The following NDC1 variants were observed in gnomAD, a reference collection of about 807,000 sequenced individuals.
NDC1 encodes the protein nucleoporin NDC1.
In NDC1, 24 loss-of-function variants were observed where a neutral mutation model predicts 89.8. The ratio of observed to expected loss-of-function variants is 0.27; its 90% CI spans 0.19 to 0.38. The LOEUF (loss-of-function observed/expected upper bound fraction) is 0.38, where lower values mean the gene tolerates loss of function less well. Ranked by LOEUF, NDC1 falls within the 10% of genes least tolerant of loss-of-function variation. NDC1 has a pLI of 1.00. For missense variants in NDC1, 728 were observed against 797.6 expected, an observed-to-expected ratio of 0.91 and a Z score of 1.05; for synonymous variants, 296 against 284.8, an observed-to-expected ratio of 1.04 and a Z score of -0.39.
At chr1:53,792,808 AT>A (rs1379679763) in intron 14 of NDC1, among the ~76,000 whole-genome samples, 1 of 152,216 alleles carries the variant, frequency 6.6e-6, no homozygotes, top group Non-Finnish European at 1.5e-5. Flanking sequence ...CTGAATTATA[AT>A]TTTTTATTCA....
chr1:53,768,668 T>C (rs189648528), intron 17 of NDC1, among the ~76,000 whole-genome samples: 14 of 152,252 alleles, frequency 9.2e-5, no homozygotes, highest in African/African-American at 3.4e-4. Flanking sequence ...AAATTGAATA[T>C]AATGAAAAAT....
intron 14 of NDC1, among the ~76,000 whole-genome samples, chr1:53,792,124 A>T (rs775659861): frequency 6.6e-6 from 1 of 151,984 alleles, no homozygotes; most frequent in Non-Finnish European, 1.5e-5. Context: ...TTGTATTTTT[A>T]GTAGAGACAG....
intron 11 of NDC1, among the ~76,000 whole-genome samples, chr1:53,799,395 G>A (rs757093838): frequency 1.3e-5 from 2 of 152,172 alleles, no homozygotes; most frequent in African/African-American, 2.4e-5. Flanking sequence ...GATAACATCT[G>A]AAACACTCTC....
intron 16 of NDC1, among the ~76,000 whole-genome samples, chr1:53,773,842 T>C (rs1450694287): frequency 6.6e-6 from 1 of 152,154 alleles, no homozygotes; most frequent in Non-Finnish European, 1.5e-5. Context: ...GGTGTTCTAC[T>C]CTCTCTTAAA....
chr1:53,819,144 T>A, intron 5 of NDC1, 65 bp from the exon 6 acceptor site: 1 of 758,490 alleles, frequency 1.3e-6, no homozygotes, highest in Non-Finnish European at 2.3e-6. Flanking sequence ...AACATCACCT[T>A]AAAGCAAGCA....
At chr1:53,811,435 G>A (rs898261886) in intron 6 of NDC1, among the ~76,000 whole-genome samples, 2 of 152,148 alleles carry the variant, frequency 1.3e-5, no homozygotes, top group East Asian at 3.9e-4. Context: ...TTGCAGGGCG[G>A]TGGGAGTGAG....
At chr1:53,831,743 T>G (rs1376902876) in intron 3 of NDC1, among the ~76,000 whole-genome samples, 1 of 152,130 alleles carries the variant, frequency 6.6e-6, no homozygotes, top group African/African-American at 2.4e-5. Flanking sequence ...TGTATCTTTT[T>G]TTCCTTATGT....
chr1:53,826,116 A>T (rs989474521), intron 4 of NDC1, among the ~76,000 whole-genome samples, 180 bp from the exon 5 acceptor site: 2 of 152,210 alleles, frequency 1.3e-5, no homozygotes, highest in Non-Finnish European at 2.9e-5. Flanking sequence ...TTTTTTCCTG[A>T]ATCATGAGAC....
intron 15 of NDC1, among the ~76,000 whole-genome samples, 165 bp downstream of exon 15, chr1:53,788,968 C>A (rs138486885): frequency 6.6e-6 from 1 of 150,688 alleles, no homozygotes; most frequent in East Asian, 1.9e-4. Context: ...AATCAAAATA[C>A]GCCTAAATAT....
chr1:53,789,489 C>T (rs2100641197), intron 14 of NDC1, among the ~76,000 whole-genome samples: 1 of 152,316 alleles, frequency 6.6e-6, no homozygotes, highest in South Asian at 2.1e-4. Flanking sequence ...TCTGAGATCA[C>T]TTAAGAGAAT....
rs189142568 is a variant in NDC1 at position 53,782,872 on chromosome 1, T to C, written c.1800+4286A>G. Among the ~76,000 whole-genome samples the C allele has an allele frequency of 4.6e-4, 70 of 152,356 alleles. 1 individual carries two copies. The East Asian group carries it at 0.013, about 28-fold the overall frequency. ...CTTATCCCTACCTCAAAATAAGTTA[T>C]TGGACTCACTGACAGATCTTGTTAT... On this transcript the variant is annotated intron_variant, in intron 16 of 17. Transcript: ENST00000371429.
At chr1:53,836,758 C>T (rs1056570437) in intron 1 of NDC1, among the ~76,000 whole-genome samples, 1 of 151,788 alleles carries the variant, frequency 6.6e-6, no homozygotes, top group African/African-American at 2.4e-5. Flanking sequence ...GCGTGAGCCA[C>T]AGCGCCCAGC....
chr1:53,834,747 A>T (rs1476841577), intron 2 of NDC1, among the ~76,000 whole-genome samples: 1 of 152,202 alleles, frequency 6.6e-6, no homozygotes, highest in East Asian at 1.9e-4. Flanking sequence ...AATAATGGGT[A>T]GTTATTAACA....
chr1:53,796,419 T>C (rs1647700740), intron 13 of NDC1, among the ~76,000 whole-genome samples: 1 of 152,192 alleles, frequency 6.6e-6, no homozygotes. Context: ...GGACTCTGTT[T>C]TGTTTGCTTT....
chr1:53,781,415 A>G (rs1016325718), intron 16 of NDC1, among the ~76,000 whole-genome samples: 2 of 152,210 alleles, frequency 1.3e-5, no homozygotes, highest in East Asian at 3.9e-4. Flanking sequence ...TTCAAATGAA[A>G]GTACATATGT....
rs761357897 is a variant in NDC1 at position 53,832,453 on chromosome 1, C to T, written c.280+37G>A. 46 of 1,058,542 alleles carry T rather than the reference C, an allele frequency of 4.3e-5. No individual in the cohort carries two copies. The Admixed American group carries it at 4.8e-4, about 11-fold the overall frequency. 65.6% of individuals were successfully genotyped at this position (1,058,542 alleles called of 1,614,324 possible). Reference sequence around the variant, plus strand: ...AAGTCTTCCCTTAGTTAAATAAATTCGCATATTTCTAAGAAGGTTAACATT... The same window carrying T: ...AAGTCTTCCCTTAGTTAAATAAATTTGCATATTTCTAAGAAGGTTAACATT... On this transcript the variant is annotated intron_variant, in intron 3 of 17. Coordinates refer to ENST00000371429, the MANE Select transcript of NDC1 (RefSeq NM_018087.5).
intron 6 of NDC1, among the ~76,000 whole-genome samples, chr1:53,817,277 GTA>G (rs767227798): frequency 6.6e-6 from 1 of 152,020 alleles, no homozygotes; most frequent in South Asian, 2.1e-4. Context: ...AAGAAACTGT[GTA>G]TATATATATG....
chr1:53,830,504 T>C (rs1649021618), intron 3 of NDC1, among the ~76,000 whole-genome samples: 2 of 152,012 alleles, frequency 1.3e-5, no homozygotes, highest in African/African-American at 2.4e-5. Context: ...TATTGTAACA[T>C]CCAAAGTCAG....
At chr1:53,834,075 A>G (rs1337953889) in intron 2 of NDC1, among the ~76,000 whole-genome samples, 2 of 152,136 alleles carry the variant, frequency 1.3e-5, no homozygotes, top group East Asian at 1.9e-4. Context: ...GAGCCACCAC[A>G]CTCGGCCCAT....
Sources: gnomAD v4.1 joint callset for allele counts (sites outside exome capture counted in the v4.1 genomes callset) on GRCh38, gnomAD v4.1.1 for gene constraint, MANE v1.5 for transcripts, NCBI Gene and HGNC (gene_info 2026-07-23, HGNC 2026-07-21) for gene names.